The following RBFOX1 variants were observed in gnomAD, a reference collection of about 807,000 sequenced individuals.
The protein encoded by RBFOX1 is RNA binding protein fox-1 homolog 1.
Under a neutral mutation model 57.7 loss-of-function variants are expected in RBFOX1, and 8 were observed. That is an observed-to-expected ratio of 0.14 (90% CI 0.08 to 0.25). The LOEUF (loss-of-function observed/expected upper bound fraction) is 0.25, where lower values mean the gene tolerates loss of function less well. Ranked by LOEUF, RBFOX1 falls within the 10% of genes least tolerant of loss-of-function variation. RBFOX1 has a pLI of 1.00. For missense variants in RBFOX1, 611 were observed against 548.5 expected (o/e 1.11, Z -1.14); for synonymous variants, 326 against 222.4 (o/e 1.47, Z -4.15).
intron 3 of RBFOX1, among the ~76,000 whole-genome samples, chr16:6,761,364 A>G (rs994072033): frequency 1.1e-4 from 17 of 152,096 alleles, no homozygotes; most frequent in African/African-American, 4.1e-4. Flanking sequence ...TCTATACCAG[A>G]CATACATTTA....
chr16:6,485,018 G>T (rs1322921483), intron 2 of RBFOX1, among the ~76,000 whole-genome samples: 2 of 152,184 alleles, frequency 1.3e-5, no homozygotes, highest in African/African-American at 4.8e-5. Flanking sequence ...ATTTAAATGT[G>T]TGCTGGAAAA....
At chr16:7,551,958 A>T in intron 5 of RBFOX1, among the ~76,000 whole-genome samples, 1 of 152,206 alleles carries the variant, frequency 6.6e-6, no homozygotes, top group East Asian at 1.9e-4. Context: ...ATTCCAGCAG[A>T]AGAAATAGCA....
chr16:7,653,984 C>G (rs780746632), intron 12 of RBFOX1, 37 bp downstream of exon 12: 102 of 1,455,162 alleles, frequency 7.0e-5, no homozygotes, highest in South Asian at 4.9e-4. Context: ...CCTCCCTGCA[C>G]CAGCCCTCCC....
rs78086031 is a variant in RBFOX1, at chr16:7,586,471, T to C, written c.415-776T>C. On this transcript the variant is annotated intron_variant, in intron 6 of 15. Coordinates refer to ENST00000550418, the MANE Select transcript of RBFOX1 (RefSeq NM_018723.4). ...ATATGTAAGACACAGTCGTTGAATT[T>C]GAAGTTCAAATAAACCACAAGTATT... Among the ~76,000 whole-genome samples, 87 of 152,344 alleles carry C rather than the reference T, an allele frequency of 5.7e-4. 1 individual carries two copies. The East Asian group carries it at 0.015, about 27-fold the overall frequency.
intron 4 of RBFOX1, among the ~76,000 whole-genome samples, chr16:7,348,690 C>T (rs556787774): frequency 6.6e-6 from 1 of 152,292 alleles, no homozygotes; most frequent in African/African-American, 2.4e-5. Context: ...GCCTAGAATC[C>T]CAGCACTTTG....
intron 4 of RBFOX1, among the ~76,000 whole-genome samples, chr16:7,152,919 A>G (rs2076371633): frequency 6.6e-6 from 1 of 152,226 alleles, no homozygotes; most frequent in Non-Finnish European, 1.5e-5. Flanking sequence ...TTTTCTGAGA[A>G]CAAACAAAAT....
At chr16:7,648,113 TTG>T (rs2064125949) in intron 11 of RBFOX1, among the ~76,000 whole-genome samples, 1 of 152,186 alleles carries the variant, frequency 6.6e-6, no homozygotes, top group African/African-American at 2.4e-5. Context: ...TGGCAAACAG[TTG>T]TGTGTGTGCA....
At chr16:7,099,050 A>T (rs554223134) in intron 4 of RBFOX1, among the ~76,000 whole-genome samples, 4 of 152,212 alleles carry the variant, frequency 2.6e-5, no homozygotes, top group African/African-American at 4.8e-5. Flanking sequence ...TTCACAAACT[A>T]TCCTTGCATA....
intron 3 of RBFOX1, among the ~76,000 whole-genome samples, chr16:6,709,166 G>C (rs773057602): frequency 1.9e-4 from 29 of 152,036 alleles, no homozygotes; most frequent in Non-Finnish European, 3.4e-4. Context: ...TGGTAAATTG[G>C]TTCAACAGAT....
intron 3 of RBFOX1, among the ~76,000 whole-genome samples, chr16:6,655,064 TG>T (rs2098637515): frequency 6.6e-6 from 1 of 151,770 alleles, no homozygotes; most frequent in South Asian, 2.1e-4. Context: ...CCTATATATC[TG>T]ACTCATACAC....
At chr16:6,660,040 C>T (rs372893448) in intron 3 of RBFOX1, among the ~76,000 whole-genome samples, 1 of 151,862 alleles carries the variant, frequency 6.6e-6, no homozygotes, top group Non-Finnish European at 1.5e-5. Context: ...CCATGGCCAA[C>T]ATAGTGAAAC....
At chr16:6,636,988 CATT>C (rs1370121111) in intron 2 of RBFOX1, among the ~76,000 whole-genome samples, 57 of 121,122 alleles carry the variant, frequency 4.7e-4, no homozygotes, top group Non-Finnish European at 6.4e-4. Flanking sequence ...GTATATGTAT[CATT>C]ATGTATAAAA....
intron 1 of RBFOX1, among the ~76,000 whole-genome samples, chr16:5,346,896 G>A (rs114216659): frequency 0.015 from 2,321 of 152,226 alleles, 65 homozygotes; most frequent in African/African-American, 0.052. Flanking sequence ...AATAACTGAC[G>A]TATATTCAGC....
intron 3 of RBFOX1, among the ~76,000 whole-genome samples, chr16:6,815,688 G>C (rs774789324): frequency 2.0e-5 from 3 of 152,154 alleles, no homozygotes; most frequent in Non-Finnish European, 2.9e-5. Context: ...ACCTAGACTT[G>C]TTCAGCGACA....
At chr16:7,194,332 A>G (rs1009973046) in intron 4 of RBFOX1, among the ~76,000 whole-genome samples, 56 of 152,326 alleles carry the variant, frequency 3.7e-4, no homozygotes, top group African/African-American at 1.3e-3. Flanking sequence ...CATTTACATT[A>G]CTGATATCCA....
At chr16:5,965,134 G>A (rs1272362656) in intron 4 of RBFOX1, among the ~76,000 whole-genome samples, 1 of 152,038 alleles carries the variant, frequency 6.6e-6, no homozygotes, top group Non-Finnish European at 1.5e-5. Flanking sequence ...AGAGCTGGAC[G>A]GTGGGAAAAA....
At chr16:6,186,442 G>C (rs924105106) in intron 1 of RBFOX1, among the ~76,000 whole-genome samples, 4 of 152,178 alleles carry the variant, frequency 2.6e-5, no homozygotes, top group Non-Finnish European at 5.9e-5. Flanking sequence ...TTGTTCATAA[G>C]GGTCTGTAAA....
chr16:7,185,194 CCTCT>C (rs5815381), intron 4 of RBFOX1, among the ~76,000 whole-genome samples: 1 of 150,300 alleles, frequency 6.7e-6, no homozygotes, highest in Non-Finnish European at 1.5e-5. Context: ...TCACATTATA[CCTCT>C]CTCTCTCTCT....
chr16:6,488,426 G>A (rs958130819), intron 2 of RBFOX1, among the ~76,000 whole-genome samples: 2 of 152,242 alleles, frequency 1.3e-5, no homozygotes, highest in African/African-American at 4.8e-5. Context: ...TTTCTTCCCG[G>A]GCACTTACTG....
Sources: allele counts gnomAD v4.1 joint callset (sites outside exome capture counted in the v4.1 genomes callset), GRCh38; gene constraint gnomAD v4.1.1; transcripts MANE v1.5; gene names NCBI Gene and HGNC (gene_info 2026-07-23, HGNC 2026-07-21).